RIMS2: variants seen among roughly 807,000 people sequenced by gnomAD.
RIMS2 encodes the protein regulating synaptic membrane exocytosis protein 2.
RIMS2 carries 59 observed loss-of-function variants against 174.4 expected under a neutral mutation model. That is an observed-to-expected ratio of 0.34 (90% CI 0.27 to 0.42). RIMS2 has a LOEUF of 0.42. Ranked by LOEUF, RIMS2 falls within the 10% of genes least tolerant of loss-of-function variation. The pLI is 1.00. For synonymous variants in RIMS2, 606 were observed against 572.5 expected (o/e 1.06, Z -0.84); for missense variants, 1,620 against 1,666.3 (o/e 0.97, Z 0.48).
At chr8:103,918,487 A>C in exon 9 of RIMS2, 2 of 1,602,248 alleles carry the variant, frequency 1.2e-6, no homozygotes, top group Non-Finnish European at 1.7e-6. Flanking sequence ...ACTGGAGTCC[A>C]GTAAGTTTTA....
At chr8:103,579,589 TC>T (rs1358728343) in intron 1 of RIMS2, among the ~76,000 whole-genome samples, 3 of 152,232 alleles carry the variant, frequency 2.0e-5, no homozygotes, top group African/African-American at 7.2e-5. Flanking sequence ...AGTTTTTTTT[TC>T]TTTCTGTGTT....
intron 17 of RIMS2, among the ~76,000 whole-genome samples, chr8:104,005,382 A>C (rs1415806770): frequency 6.6e-6 from 1 of 152,198 alleles, no homozygotes; most frequent in Non-Finnish European, 1.5e-5. Context: ...GTGAAAGAAT[A>C]AGTAGCTTCT....
chr8:104,033,572 G>A (rs1206567673), intron 19 of RIMS2, among the ~76,000 whole-genome samples: 2 of 150,868 alleles, frequency 1.3e-5, no homozygotes, highest in Non-Finnish European at 3.0e-5. Flanking sequence ...TTACTTAGTT[G>A]AATTTAACTA....
At chr8:103,778,845 C>CT (rs2098349904) in intron 3 of RIMS2, among the ~76,000 whole-genome samples, 1 of 152,090 alleles carries the variant, frequency 6.6e-6, no homozygotes, top group African/African-American at 2.4e-5. Context: ...TCCATAGTGG[C>CT]TATACTAATT....
intron 1 of RIMS2, among the ~76,000 whole-genome samples, chr8:103,616,775 GC>G (rs1441430078): frequency 2.6e-5 from 4 of 151,946 alleles, no homozygotes; most frequent in African/African-American, 9.7e-5. Flanking sequence ...ATTCACAATT[GC>G]CACACAAAAA....
chr8:104,228,714 T>C (rs1398479453), intron 19 of RIMS2, among the ~76,000 whole-genome samples: 2 of 152,210 alleles, frequency 1.3e-5, no homozygotes, highest in Non-Finnish European at 2.9e-5. Flanking sequence ...TTTTTACCCA[T>C]CTTCATGAAG....
At position 104,231,640 on chromosome 8, in the gene RIMS2, C is replaced by T. The variant is rs541055159; in HGVS notation, c.3335-13276C>T. ...TTCCTAGTTGTATGGACTGTGAAGACAATTTCTTTCAGCTTTAGTTTCCTC... is the reference window on the plus strand; with the variant it reads ...TTCCTAGTTGTATGGACTGTGAAGATAATTTCTTTCAGCTTTAGTTTCCTC... On this transcript the variant is annotated intron_variant, in intron 19 of 23. Coordinates refer to ENST00000504942, the Ensembl canonical transcript of RIMS2. 3.7e-4 allele frequency among the ~76,000 whole-genome samples: 57 copies of T among 152,276 alleles called. 1 individual carries two copies. Among genetic ancestry groups the T allele is most frequent in the African/African-American group, 1.4e-3 (57 of 41,566 alleles).
At chr8:104,099,467 A>G (rs908351604) in intron 19 of RIMS2, among the ~76,000 whole-genome samples, 11 of 152,342 alleles carry the variant, frequency 7.2e-5, no homozygotes, top group Admixed American at 5.9e-4. Flanking sequence ...ATGATTGTGC[A>G]TAACACTCAA....
chr8:103,816,990 A>G (rs1452750573), intron 3 of RIMS2, among the ~76,000 whole-genome samples: 1 of 152,214 alleles, frequency 6.6e-6, no homozygotes, highest in African/African-American at 2.4e-5. Context: ...TTATTTATAA[A>G]AATTAAATCT....
exon 13 of RIMS2, chr8:103,936,618 A>C: frequency 2.5e-6 from 4 of 1,610,512 alleles, no homozygotes; most frequent in Non-Finnish European, 3.4e-6. Context: ...CCAAACATTC[A>C]TTTATTCTCC....
intron 19 of RIMS2, among the ~76,000 whole-genome samples, chr8:104,038,708 C>T (rs867957118): frequency 6.6e-5 from 10 of 151,710 alleles, no homozygotes; most frequent in Admixed American, 1.3e-4. Context: ...TGGCTGCTTA[C>T]GTAAGGGAGT....
chr8:104,110,262 G>C (rs1338224554), intron 19 of RIMS2, among the ~76,000 whole-genome samples: 1 of 152,076 alleles, frequency 6.6e-6, no homozygotes, highest in Non-Finnish European at 1.5e-5. Flanking sequence ...TGTAACCAAA[G>C]TTCAGGGTTC....
intron 19 of RIMS2, among the ~76,000 whole-genome samples, chr8:104,213,962 G>T (rs903492552): frequency 6.6e-6 from 1 of 152,064 alleles, no homozygotes; most frequent in Non-Finnish European, 1.5e-5. Flanking sequence ...TGTTAATTTG[G>T]TTACATTGTA....
chr8:104,217,011 G>T (rs1410472036), intron 19 of RIMS2, among the ~76,000 whole-genome samples: 1 of 152,016 alleles, frequency 6.6e-6, no homozygotes, highest in Non-Finnish European at 1.5e-5. Flanking sequence ...ATTATAAAGG[G>T]CCATAATCAA....
At chr8:104,092,581 C>CA (rs1043815093) in intron 19 of RIMS2, among the ~76,000 whole-genome samples, 1 of 151,224 alleles carries the variant, frequency 6.6e-6, no homozygotes, top group African/African-American at 2.4e-5. Context: ...CTAGGCCTTG[C>CA]AAAAAAAGAT....
intron 1 of RIMS2, among the ~76,000 whole-genome samples, chr8:103,665,272 T>A (rs1387217467): frequency 1.3e-5 from 2 of 152,192 alleles, no homozygotes; most frequent in Non-Finnish European, 2.9e-5. Context: ...ACTTAAAGTA[T>A]AATGAAAAAA....
At chr8:103,713,460 A>G (rs538580914) in intron 2 of RIMS2, among the ~76,000 whole-genome samples, 5 of 152,278 alleles carry the variant, frequency 3.3e-5, no homozygotes, top group Admixed American at 3.3e-4. Flanking sequence ...TCAACTTTTT[A>G]ATTGGCCCTA....
chr8:103,602,703 A>G (rs2094820836), intron 1 of RIMS2, among the ~76,000 whole-genome samples: 1 of 152,170 alleles, frequency 6.6e-6, no homozygotes, highest in African/African-American at 2.4e-5. Context: ...ACAGTGTATC[A>G]TTGATGCACA....
intron 19 of RIMS2, among the ~76,000 whole-genome samples, chr8:104,079,667 C>T (rs1449180477): frequency 6.7e-5 from 7 of 105,148 alleles, no homozygotes; most frequent in African/African-American, 2.3e-4. Flanking sequence ...TGGAAAACAA[C>T]AGATAGGTGA....
Sources: gnomAD v4.1 joint callset for allele counts (sites outside exome capture counted in the v4.1 genomes callset) on GRCh38, gnomAD v4.1.1 for gene constraint, MANE v1.5 for transcripts, NCBI Gene and HGNC (gene_info 2026-07-23, HGNC 2026-07-21) for gene names.